Variants in POLDIP3 observed in about 807,000 individuals in gnomAD.
POLDIP3 encodes DNA polymerase delta interacting protein 3.
In POLDIP3, 14 loss-of-function variants were observed where a neutral mutation model predicts 45.1. The ratio of observed to expected loss-of-function variants is 0.31; its 90% CI spans 0.20 to 0.49. The LOEUF is 0.49. Ranked by LOEUF, POLDIP3 falls within the 20% of genes least tolerant of loss-of-function variation. The pLI, the probability that POLDIP3 is intolerant of heterozygous loss-of-function variation, is 0.99. For missense variants in POLDIP3, 511 were observed against 538.8 expected (o/e 0.95, Z 0.51); for synonymous variants, 223 against 205.2 (o/e 1.09, Z -0.74).
rs1170293944 is a variant in POLDIP3 at position 42,598,136 on chromosome 22, G to A, written c.633+1562C>T. ...CTCACTCTGTCGCCCAGGCTGGAGT[G>A]CAGTGGCACAATCTCGGCTCACTGT... On this transcript the variant is annotated intron_variant, in intron 4 of 8. Coordinates refer to ENST00000252115, the MANE Select transcript of POLDIP3 (RefSeq NM_032311.5). Among the ~76,000 whole-genome samples the A allele has an allele frequency of 2.7e-5, 4 of 150,620 alleles. No homozygotes were observed. In the East Asian group the frequency reaches 5.9e-4, roughly 22 times the overall value.
At chr22:42,589,930 AAAGC>A (rs1925564902) in intron 7 of POLDIP3, among the ~76,000 whole-genome samples, 1 of 151,410 alleles carries the variant, frequency 6.6e-6, no homozygotes, top group Admixed American at 6.6e-5. Context: ...TAAACATTAC[AAAGC>A]AACAAGACAT....
chr22:42,601,394 C>T (rs1926362763), intron 3 of POLDIP3, among the ~76,000 whole-genome samples: 1 of 149,234 alleles, frequency 6.7e-6, no homozygotes, highest in Admixed American at 6.7e-5. Flanking sequence ...AAAAAAAAAG[C>T]GTAAAAAAAT....
intron 8 of POLDIP3, 50 bp downstream of exon 8, chr22:42,587,456 A>C (rs1475615474): frequency 6.5e-7 from 1 of 1,543,846 alleles, no homozygotes; most frequent in East Asian, 2.2e-5. Flanking sequence ...TTAGAACAAA[A>C]AGAGATGGAC....
Position 42,603,151 on chromosome 22 carries a change from G to C in POLDIP3, c.69C>G (p.Ala23=). The stretch of plus-strand genomic sequence containing the variant: ...ATCGGACACCTCCAACTCCCGGTCT[G>C]GCATTAAGCCTGTAAATATAAATTG... The part of the protein sequence containing the change: ...RGAAAKGRLN[A]RPGVGGVRSR... The change falls in exon 2 of 9, where the codon GCC becomes GCG. Residue 23 remains alanine (A), a synonymous_variant. Transcript: ENST00000252115. 6.2e-7 allele frequency: 1 copy of C among 1,613,814 alleles called. No homozygotes were observed. Among genetic ancestry groups the C allele is most frequent in the Non-Finnish European group, 8.5e-7 (1 of 1,179,792 alleles).
chr22:42,606,712 C>G (rs972559784), intron 1 of POLDIP3, among the ~76,000 whole-genome samples: 1 of 152,208 alleles, frequency 6.6e-6, no homozygotes, highest in Non-Finnish European at 1.5e-5. Context: ...ACAGCCTTGA[C>G]CTCCTGCCTC....
chr22:42,606,956 A>T (rs1214467096), intron 1 of POLDIP3, among the ~76,000 whole-genome samples: 1 of 152,220 alleles, frequency 6.6e-6, no homozygotes, highest in African/African-American at 2.4e-5. Flanking sequence ...GGAAGAGTTA[A>T]GAAAAAAACT....
At chr22:42,612,099 T>C (rs192273967) in intron 1 of POLDIP3, among the ~76,000 whole-genome samples, 87 of 152,274 alleles carry the variant, frequency 5.7e-4, no homozygotes, top group Admixed American at 2.5e-3. Flanking sequence ...CTGCACTCTT[T>C]GCCCCAATCC....
chr22:42,608,043 AC>A, intron 1 of POLDIP3, among the ~76,000 whole-genome samples: 4 of 152,020 alleles, frequency 2.6e-5, no homozygotes, highest in Non-Finnish European at 2.9e-5. Context: ...CCCGGCCGCC[AC>A]CCCGTCTGGG....
At chr22:42,596,397 G>A (rs1335921301) in intron 4 of POLDIP3, 32 bp from the exon 5 acceptor site, 9 of 1,598,466 alleles carry the variant, frequency 5.6e-6, no homozygotes, top group Admixed American at 1.7e-5. Context: ...AATCTGAGAA[G>A]CCAGACCTGC....
chr22:42,585,730 T>C lies in POLDIP3; in HGVS notation c.*61A>G. On this transcript the variant is annotated 3_prime_UTR_variant, in exon 9 of 9. Coordinates refer to ENST00000252115, the MANE Select transcript of POLDIP3 (RefSeq NM_032311.5). ...CCGATGGCCCATTGGTCATAAGCTT[T>C]GCCTTGGGGAAACAGAGCCACCCTC... is the stretch of plus-strand genomic sequence containing the variant. The C allele has an allele frequency of 6.5e-7, 1 of 1,546,190 alleles. No individual in the cohort carries two copies. The highest frequency in any genetic ancestry group is 8.8e-7 in the Non-Finnish European group (1 of 1,140,416).
chr22:42,611,602 T>C (rs1490109474), intron 1 of POLDIP3, among the ~76,000 whole-genome samples: 4 of 152,166 alleles, frequency 2.6e-5, no homozygotes, highest in African/African-American at 7.2e-5. Context: ...GTATGTAAAA[T>C]AGCATGTATG....
In POLDIP3 at chr22:42,587,530, A is replaced by G. The variant is rs1482948686; in HGVS notation, c.1064T>C (p.Ile355Thr). The G allele has an allele frequency of 2.5e-6, 4 of 1,614,166 alleles. No homozygotes were observed. The highest frequency in any genetic ancestry group is 1.1e-5 in the South Asian group (1 of 91,078). The change falls in exon 8 of 9, where the codon ATC becomes ACC. Residue 355 changes from isoleucine (I) to threonine (T), a missense_variant. Coordinates refer to ENST00000252115, the MANE Select transcript of POLDIP3 (RefSeq NM_032311.5). ...CAGCAGGATGGGCTGGTCTGAGGTG[A>G]TAACATTCCCATTCATGTGAAGGTT... ...KCNLHMNGNV[I>T]TSDQPILLRL...
chr22:42,595,833 G>A (rs878884769), intron 5 of POLDIP3, among the ~76,000 whole-genome samples: 1 of 152,110 alleles, frequency 6.6e-6, no homozygotes, highest in South Asian at 2.1e-4. Context: ...AGCCTCTCAG[G>A]CCCTGAGCCT....
At chr22:42,600,880 G>C (rs963342753) in intron 3 of POLDIP3, among the ~76,000 whole-genome samples, 1 of 152,052 alleles carries the variant, frequency 6.6e-6, no homozygotes, top group Non-Finnish European at 1.5e-5. Flanking sequence ...GAGGCAGGAG[G>C]ATCGATTGAA....
intron 7 of POLDIP3, 143 bp from the exon 8 acceptor site, chr22:42,587,715 G>T: frequency 1.3e-6 from 1 of 770,906 alleles, no homozygotes; most frequent in Non-Finnish European, 2.1e-6. Context: ...GGGGCTGCTA[G>T]GTTCCAGTCA....
rs1926496822 is a variant in POLDIP3, at chr22:42,603,013, C to T, written c.207G>A (p.Leu69=). ...GCTTCTCCCGGGCATCCTTGACTCCCAGTTTGAGCCGGGCATCTGAGAGGC... is the reference window on the plus strand; with the variant it reads ...GCTTCTCCCGGGCATCCTTGACTCCTAGTTTGAGCCGGGCATCTGAGAGGC... ...KIGLSDARLK[L]GVKDAREKLL... is the part of the protein sequence containing the mutation. The change falls in exon 2 of 9, where the codon CTG becomes CTA. Residue 69 remains leucine, a synonymous_variant. Coordinates refer to ENST00000252115, the MANE Select transcript of POLDIP3 (RefSeq NM_032311.5). 1 of 1,614,040 alleles carries T rather than the reference C, an allele frequency of 6.2e-7. No homozygotes were observed. Among genetic ancestry groups the T allele is most frequent in the Non-Finnish European group, 8.5e-7 (1 of 1,180,038 alleles).
In POLDIP3 at chr22:42,594,840, T is replaced by C. The variant is rs149697086; in HGVS notation, c.891+697A>G. ...CACTTCTTTCACTTTGGAATCATCT[T>C]GTAATACCTCCAAAGGACACAGGAA... On this transcript the variant is annotated intron_variant, in intron 6 of 8. Transcript: ENST00000252115. Among the ~76,000 whole-genome samples, 460 of 152,302 alleles carry C rather than the reference T, an allele frequency of 3.0e-3. 1 individual carries two copies. Among genetic ancestry groups the C allele is most frequent in the Non-Finnish European group, 5.3e-3 (363 of 68,018 alleles).
At chr22:42,608,007 C>G (rs1004869122) in intron 1 of POLDIP3, among the ~76,000 whole-genome samples, 1 of 151,922 alleles carries the variant, frequency 6.6e-6, no homozygotes, top group East Asian at 1.9e-4. Flanking sequence ...GCCACCACCC[C>G]GTCTGGGAAG....
Position 42,583,774 on chromosome 22 carries a change from C to A in POLDIP3, c.*2017G>T, listed in dbSNP as rs1454875952. On this transcript the variant is annotated 3_prime_UTR_variant, in exon 9 of 9. Transcript: ENST00000252115. ...GGATAAGTAATACATAATCACCCTT[C>A]ATCTCTTAATGCCCCTTCCTCTCCT... 2.0e-5 allele frequency: 3 copies of A among 151,948 alleles called. No individual in the cohort carries two copies. The highest frequency in any genetic ancestry group is 2.1e-4 in the South Asian group (1 of 4,790). The allele number at this position is 151,948 out of a possible 1,614,324, so 9.4% of individuals were successfully genotyped here.
Sources: gnomAD v4.1 joint callset for allele counts (sites outside exome capture counted in the v4.1 genomes callset) on GRCh38, gnomAD v4.1.1 for gene constraint, MANE v1.5 for transcripts, NCBI Gene and HGNC (gene_info 2026-07-23, HGNC 2026-07-21) for gene names.